Variants in ZCCHC8 observed in about 807,000 individuals in gnomAD.
The protein encoded by ZCCHC8 is zinc finger CCHC-type containing 8, also known as zinc finger CCHC domain-containing protein 8.
ZCCHC8 carries 27 observed loss-of-function variants against 70.6 expected under a neutral mutation model. That is an observed-to-expected ratio of 0.38 (90% CI 0.28 to 0.53). The LOEUF (loss-of-function observed/expected upper bound fraction) is 0.53, where lower values mean the gene tolerates loss of function less well. ZCCHC8 is among the 20% of genes least tolerant of loss of function. The probability of loss-of-function intolerance (pLI) is 0.81; values close to 1 mark genes in which losing one functional copy is unlikely to be tolerated. For missense variants in ZCCHC8, 737 were observed against 876.9 expected, an observed-to-expected ratio of 0.84 and a Z score of 2.01; for synonymous variants, 293 against 317.4, an observed-to-expected ratio of 0.92 and a Z score of 0.82.
At chr12:122,494,435 C>T (rs2062489) in intron 2 of ZCCHC8, among the ~76,000 whole-genome samples, 4 of 151,844 alleles carry the variant, frequency 2.6e-5, no homozygotes, top group African/African-American at 9.7e-5. Flanking sequence ...GTGGCACATG[C>T]CTGTAAACTC....
At chr12:122,491,892 G>A (rs1028409624) in intron 3 of ZCCHC8, among the ~76,000 whole-genome samples, 1 of 151,626 alleles carries the variant, frequency 6.6e-6, no homozygotes, top group African/African-American at 2.4e-5. Context: ...AAATGAGACC[G>A]TCATGAGCTA....
At chr12:122,492,598 G>T in intron 3 of ZCCHC8, 117 bp downstream of exon 3, 1 of 714,772 alleles carries the variant, frequency 1.4e-6, no homozygotes, top group Non-Finnish European at 2.4e-6. Flanking sequence ...TTAACTCCAG[G>T]GGCATTTTAA....
At chr12:122,492,625 G>T (rs907640600) in intron 3 of ZCCHC8, 90 bp downstream of exon 3, 1 of 833,654 alleles carries the variant, frequency 1.2e-6, no homozygotes, top group Non-Finnish European at 1.9e-6. Context: ...TAATAAAAAT[G>T]ATATGAGTAC....
At chr12:122,496,507 C>G (rs1957828042) in intron 2 of ZCCHC8, among the ~76,000 whole-genome samples, 1 of 152,078 alleles carries the variant, frequency 6.6e-6, no homozygotes, top group African/African-American at 2.4e-5. Flanking sequence ...AAAGTGTAAA[C>G]TTATCTAAAT....
At position 122,490,493 on chromosome 12, in the gene ZCCHC8, A is replaced by G; in HGVS notation, c.392T>C (p.Val131Ala). 6.2e-7 allele frequency: 1 copy of G among 1,613,002 alleles called. No individual in the cohort carries two copies. The highest frequency in any genetic ancestry group is 8.5e-7 in the Non-Finnish European group (1 of 1,179,396). ...CAAAAGATTAAAGGAAGTCTTTTCC[A>G]CATCATTTTTCTGCTGTTCCTCAAA... The part of the protein sequence containing the change: ...KRFEEQQKND[V>A]EKTSFNLLPQ... Residue 131 changes from valine to alanine, a missense_variant, in exon 4 of 14, where the codon GTG becomes GCG. Val to Ala is a moderately conservative substitution (Grantham distance 64, BLOSUM62 0). Transcript: ENST00000633063.
intron 4 of ZCCHC8, among the ~76,000 whole-genome samples, chr12:122,489,994 AC>A (rs1030375569): frequency 9.9e-5 from 15 of 151,210 alleles, no homozygotes; most frequent in Non-Finnish European, 2.1e-4. Context: ...AAAAAAAAAG[AC>A]CCAGAAATCA....
chr12:122,475,770 C>T (rs1010145345), intron 13 of ZCCHC8, among the ~76,000 whole-genome samples: 5 of 152,228 alleles, frequency 3.3e-5, no homozygotes, highest in Non-Finnish European at 7.3e-5. Context: ...GGAAACCATT[C>T]AGTGCCTGCC....
Position 122,500,611 on chromosome 12 carries a change from G to A in ZCCHC8, c.199+31C>T, listed in dbSNP as rs1292746832. 3 of 1,537,454 alleles carry A rather than the reference G, an allele frequency of 2.0e-6. No individual in the cohort carries two copies. The highest frequency in any genetic ancestry group is 2.7e-5 in the African/African-American group (2 of 73,286). On this transcript the variant is annotated intron_variant, in intron 1 of 13. Coordinates refer to ENST00000633063, the MANE Select transcript of ZCCHC8 (RefSeq NM_017612.5). The surrounding 1 kb of genome is among the most constrained non-coding windows in gnomAD (Gnocchi z 4.8). Reference sequence around the variant, plus strand: ...TGGCGCTGCCCCGGCCCCACACCCGGGTGACAGGGCCCAGCGAGAGGAAAG... The same window carrying A: ...TGGCGCTGCCCCGGCCCCACACCCGAGTGACAGGGCCCAGCGAGAGGAAAG...
At chr12:122,481,919 C>T (rs1405545805) in intron 9 of ZCCHC8, 26 bp downstream of exon 9, 1 of 1,602,286 alleles carries the variant, frequency 6.2e-7, no homozygotes, top group Admixed American at 1.7e-5. Flanking sequence ...TAAAAATGAC[C>T]TTCTATGGTA....
At chr12:122,479,942 C>T (rs1450666292) in intron 11 of ZCCHC8, among the ~76,000 whole-genome samples, 3 of 152,122 alleles carry the variant, frequency 2.0e-5, no homozygotes, top group Non-Finnish European at 4.4e-5. Flanking sequence ...TCCCTAGTAG[C>T]CAGGACTACA....
At chr12:122,485,559 G>T (rs1231497571) in intron 5 of ZCCHC8, among the ~76,000 whole-genome samples, 1 of 152,080 alleles carries the variant, frequency 6.6e-6, no homozygotes, top group African/African-American at 2.4e-5. Flanking sequence ...AGCTCTCAAG[G>T]GGCGTGTGAG....
At chr12:122,494,546 C>A (rs191519106) in intron 2 of ZCCHC8, among the ~76,000 whole-genome samples, 4 of 145,410 alleles carry the variant, frequency 2.8e-5, no homozygotes, top group Non-Finnish European at 4.5e-5. Context: ...GGCAACACAG[C>A]GAGACTCTGT....
chr12:122,474,098 C>G lies in ZCCHC8; in HGVS notation c.1523G>C (p.Gly508Ala). Residue 508 changes from glycine to alanine, a missense_variant, in exon 14 of 14, where the codon GGA becomes GCA. Physicochemically the swap from Gly to Ala is moderately conservative, Grantham distance 60. Coordinates refer to ENST00000633063, the MANE Select transcript of ZCCHC8 (RefSeq NM_017612.5). ...AGTCAGTGCGTCCTCATCCACAGCT[C>G]CAGATGCTGTTCTGGTCTGGGGTGA... ...SDSPQTRTAS[G>A]AVDEDALTLE... The G allele has an allele frequency of 6.6e-7, 1 of 1,515,616 alleles. No homozygotes were observed. Among genetic ancestry groups the G allele is most frequent in the Non-Finnish European group, 8.8e-7 (1 of 1,134,508 alleles). The allele number at this position is 1,515,616 out of a possible 1,614,324, so 93.9% of individuals were successfully genotyped here. A position where few individuals can be genotyped will look rare whatever the true frequency, so the allele number is the denominator to read the frequency against.
At chr12:122,481,815 G>T in intron 9 of ZCCHC8, 130 bp downstream of exon 9, 1 of 1,383,372 alleles carries the variant, frequency 7.2e-7, no homozygotes, top group Non-Finnish European at 9.7e-7. Flanking sequence ...GTTTCTAAAT[G>T]AATTAATGTA....
At chr12:122,495,908 G>T (rs1957820498) in intron 2 of ZCCHC8, among the ~76,000 whole-genome samples, 1 of 144,162 alleles carries the variant, frequency 6.9e-6, no homozygotes, top group South Asian at 2.2e-4. Context: ...ACTAAGCCCA[G>T]TGTAATCCCA....
In ZCCHC8 at chr12:122,500,266, G is replaced by A; in HGVS notation, c.199+376C>T. 1 of 226,220 alleles carries A rather than the reference G, an allele frequency of 4.4e-6. No homozygotes were observed. Among genetic ancestry groups the A allele is most frequent in the East Asian group, 1.2e-4 (1 of 8,560 alleles). The allele number at this position is 226,220 out of a possible 1,614,324, so 14.0% of individuals were successfully genotyped here. A position where few individuals can be genotyped will look rare whatever the true frequency, so the allele number is the denominator to read the frequency against. ...CATCACCTACAACTGTAACATGACG[G>A]CACAATTTGAGCGTGGCTGCGAAAT... On this transcript the variant is annotated intron_variant, in intron 1 of 13. Transcript: ENST00000633063. This position sits in a 1 kb window ranked among gnomAD's most constrained non-coding sequence, Gnocchi z 4.8.
In ZCCHC8 at chr12:122,500,889, C is replaced by T. The variant is rs1007046540; in HGVS notation, c.-49G>A. The T allele has an allele frequency of 6.5e-7, 1 of 1,539,012 alleles. No individual in the cohort carries two copies. Among genetic ancestry groups the T allele is most frequent in the East Asian group, 2.4e-5 (1 of 40,848 alleles). On this transcript the variant is annotated 5_prime_UTR_variant, in exon 1 of 14. Coordinates refer to ENST00000633063, the MANE Select transcript of ZCCHC8 (RefSeq NM_017612.5). This position sits in a 1 kb window ranked among gnomAD's most constrained non-coding sequence, Gnocchi z 4.8. ...GAAGAGGCGGAGCCGGCCACCAGGG[C>T]TTGGGGAAGAAGGTTGGAAGGCGGC...
chr12:122,476,273 A>G (rs1957415629), intron 13 of ZCCHC8, among the ~76,000 whole-genome samples: 1 of 152,198 alleles, frequency 6.6e-6, no homozygotes, highest in Admixed American at 6.5e-5. Flanking sequence ...TCTATAGACA[A>G]TAAGATTTGT....
chr12:122,482,933 T>C (rs1389212562), intron 7 of ZCCHC8: 9 of 524,128 alleles, frequency 1.7e-5, no homozygotes, highest in Middle Eastern at 1.0e-3. Flanking sequence ...TTACCTCTTT[T>C]GAGTTTTTTC....
Sources: allele counts gnomAD v4.1 joint callset (sites outside exome capture counted in the v4.1 genomes callset), GRCh38; gene constraint gnomAD v4.1.1; non-coding constraint Gnocchi (gnomAD v3.1); transcripts MANE v1.5; gene names NCBI Gene and HGNC (gene_info 2026-07-23, HGNC 2026-07-21).